The following AFDN variants were observed in gnomAD, a reference collection of about 807,000 sequenced individuals.
AFDN encodes afadin, adherens junction formation factor.
AFDN carries 68 observed loss-of-function variants against 216.6 expected under a neutral mutation model. The observed-to-expected ratio is 0.31, with a 90% CI of 0.26 to 0.38. The LOEUF (loss-of-function observed/expected upper bound fraction) is 0.38, where lower values mean the gene tolerates loss of function less well. Ranked by LOEUF, AFDN falls within the 10% of genes least tolerant of loss-of-function variation. The probability of loss-of-function intolerance (pLI) is 1.00; values close to 1 mark genes in which losing one functional copy is unlikely to be tolerated. For synonymous variants in AFDN, 868 were observed against 853.7 expected (o/e 1.02, Z -0.29); for missense variants, 2,136 against 2,342.0 (o/e 0.91, Z 1.82).
intron 1 of AFDN, among the ~76,000 whole-genome samples, chr6:167,853,512 T>C (rs1220558033): frequency 6.6e-6 from 1 of 152,066 alleles, no homozygotes; most frequent in Non-Finnish European, 1.5e-5. Context: ...TTAAGACTCA[T>C]TCATTTCAGT....
At chr6:167,841,349 G>T (rs181418773) in intron 1 of AFDN, among the ~76,000 whole-genome samples, 1 of 152,126 alleles carries the variant, frequency 6.6e-6, no homozygotes, top group South Asian at 2.1e-4. Flanking sequence ...TAGCCAAGGC[G>T]TAGAGGAGAC....
intron 21 of AFDN, among the ~76,000 whole-genome samples, chr6:167,919,275 A>G (rs1791493898): frequency 6.6e-6 from 1 of 152,206 alleles, no homozygotes; most frequent in African/African-American, 2.4e-5. Flanking sequence ...TCATTCCTTT[A>G]GCACTAAATT....
chr6:167,921,204 A>G (rs1791748804), intron 21 of AFDN, among the ~76,000 whole-genome samples: 1 of 152,238 alleles, frequency 6.6e-6, no homozygotes, highest in Admixed American at 6.5e-5. Context: ...GTTTTGTCAC[A>G]TGTGCCATAG....
chr6:167,867,643 G>T (rs1784334252), intron 2 of AFDN, among the ~76,000 whole-genome samples: 1 of 151,996 alleles, frequency 6.6e-6, no homozygotes, highest in Admixed American at 6.6e-5. Flanking sequence ...GTGTTGGCCA[G>T]ACTGGTCTTG....
At chr6:167,872,138 G>T (rs1166686604) in intron 3 of AFDN, 76 bp from the exon 4 acceptor site, 5 of 1,395,694 alleles carry the variant, frequency 3.6e-6, no homozygotes, top group Non-Finnish European at 4.9e-6. Context: ...CATGTGAGAT[G>T]AAGTTACCTA....
rs1787261234 is a variant in AFDN at position 167,889,252 on chromosome 6, A to G, written c.935A>G (p.Lys312Arg). Residue 312 changes from lysine (K) to arginine (R), a missense_variant, in exon 7 of 34, where the codon AAG becomes AGG. Physicochemically the swap from Lys to Arg is conservative, Grantham distance 26. Coordinates refer to ENST00000683244, the MANE Select transcript of AFDN (RefSeq NM_001386888.1). Reference sequence around the variant, plus strand: ...CCTGGAGCCCAGCATTCTGATGAAAAGGGTGCTAAAGAAATTATTCTTGAT... The same window carrying G: ...CCTGGAGCCCAGCATTCTGATGAAAGGGGTGCTAAAGAAATTATTCTTGAT... ...LPPGAQHSDE[K>R]GAKEIILDDD... is the part of the protein sequence containing the mutation. The G allele has an allele frequency of 6.2e-7, 1 of 1,613,844 alleles. No homozygotes were observed. The highest frequency in any genetic ancestry group is 1.3e-5 in the African/African-American group (1 of 74,918).
intron 32 of AFDN, 75 bp from the exon 33 acceptor site, chr6:167,969,039 C>T (rs745999400): frequency 9.3e-5 from 105 of 1,135,088 alleles, no homozygotes; most frequent in Non-Finnish European, 1.3e-4. Flanking sequence ...ATTCTCTGAG[C>T]ACTGCATCTT....
chr6:167,941,985 G>A (rs1235016716), intron 23 of AFDN, among the ~76,000 whole-genome samples: 14 of 152,214 alleles, frequency 9.2e-5, no homozygotes, highest in Non-Finnish European at 1.9e-4. Context: ...GTTAAATTAA[G>A]AAATACTATA....
intron 1 of AFDN, among the ~76,000 whole-genome samples, chr6:167,857,505 G>A (rs1434405776): frequency 6.6e-6 from 1 of 152,010 alleles, no homozygotes; most frequent in Non-Finnish European, 1.5e-5. Flanking sequence ...AATTTTACTG[G>A]CTAGATAGTT....
At chr6:167,893,053 ACT>A (rs1336985073) in intron 8 of AFDN, among the ~76,000 whole-genome samples, 2 of 152,134 alleles carry the variant, frequency 1.3e-5, no homozygotes, top group Non-Finnish European at 1.5e-5. Flanking sequence ...GTGACAAGTG[ACT>A]CTGCCTCTAG....
intron 23 of AFDN, among the ~76,000 whole-genome samples, chr6:167,935,829 A>G (rs992700462): frequency 6.6e-6 from 1 of 151,918 alleles, no homozygotes; most frequent in Non-Finnish European, 1.5e-5. Context: ...TTAGCATGTA[A>G]ATTATAGTAT....
intron 5 of AFDN, among the ~76,000 whole-genome samples, chr6:167,876,770 A>AT (rs540880247): frequency 1.8e-3 from 270 of 147,120 alleles, no homozygotes; most frequent in Middle Eastern, 0.011. Flanking sequence ...TAACATTTAC[A>AT]TTTTTTTTTT....
chr6:167,904,462 G>A (rs1358567093), intron 12 of AFDN, among the ~76,000 whole-genome samples: 4 of 151,946 alleles, frequency 2.6e-5, no homozygotes, highest in South Asian at 2.1e-4. Flanking sequence ...TGCCTGCCTC[G>A]GCTTCCCAAA....
At chr6:167,939,210 A>G (rs73034980) in intron 23 of AFDN, among the ~76,000 whole-genome samples, 2,988 of 152,298 alleles carry the variant, frequency 0.02, 54 homozygotes, top group Non-Finnish European at 0.033. Flanking sequence ...CAGAGATGAT[A>G]ATAATTGGTT....
intron 29 of AFDN, among the ~76,000 whole-genome samples, chr6:167,950,392 C>CTGTGTG (rs201112836): frequency 0.1 from 14,380 of 139,038 alleles, 749 homozygotes; most frequent in East Asian, 0.24. Context: ...TCATTTTTCT[C>CTGTGTG]TGTGTCTGTG....
At chr6:167,901,520 T>G (rs372095201) in intron 11 of AFDN, among the ~76,000 whole-genome samples, 2 of 152,342 alleles carry the variant, frequency 1.3e-5, no homozygotes, top group South Asian at 2.1e-4. Context: ...CTAGGATAAT[T>G]TTTGATTTGC....
chr6:167,871,303 G>C (rs1363554747), intron 3 of AFDN, among the ~76,000 whole-genome samples: 4 of 152,136 alleles, frequency 2.6e-5, no homozygotes, highest in African/African-American at 7.2e-5. Flanking sequence ...AGTTAAGAAT[G>C]CATGTCCATT....
intron 23 of AFDN, among the ~76,000 whole-genome samples, chr6:167,936,720 A>G (rs933124284): frequency 1.3e-5 from 2 of 152,134 alleles, no homozygotes; most frequent in African/African-American, 4.8e-5. Context: ...GGGATGCAGC[A>G]GAGTTTCTTT....
rs1378098756 is a variant in AFDN, at chr6:167,946,877, C to A, written c.3529C>A (p.His1177Asn). ...DDRLMKNRAD[H>N]RSSPNVANQP... ...CAGACTGATGAAAAATAGAGCTGAT[C>A]ACCGTTCCAGCCCCAACGTAGCAAG... The change falls in exon 27 of 34, where the codon CAC becomes AAC. Residue 1177 changes from histidine to asparagine, a missense_variant. This residue lies in a region of AFDN where 981 missense variants were observed against 966.0 expected (regional missense o/e 1.02). Coordinates refer to ENST00000683244, the MANE Select transcript of AFDN (RefSeq NM_001386888.1). The A allele has an allele frequency of 6.2e-7, 1 of 1,612,390 alleles. No individual in the cohort carries two copies. The highest frequency in any genetic ancestry group is 8.5e-7 in the Non-Finnish European group (1 of 1,179,578).
Sources: allele counts gnomAD v4.1 joint callset (sites outside exome capture counted in the v4.1 genomes callset), GRCh38; gene constraint gnomAD v4.1.1; regional missense constraint gnomAD v4.1.1; transcripts MANE v1.5; gene names NCBI Gene and HGNC (gene_info 2026-07-23, HGNC 2026-07-21).